Variants in ZNF554 observed in about 807,000 individuals in gnomAD.
The protein encoded by ZNF554 is zinc finger protein 554.
Under a neutral mutation model 21.2 loss-of-function variants are expected in ZNF554, and 15 were observed. The observed-to-expected ratio is 0.71, with a 90% CI of 0.47 to 1.09. The LOEUF (loss-of-function observed/expected upper bound fraction) is 1.09, where lower values mean the gene tolerates loss of function less well. Among genes scored for constraint, ZNF554 ranks in the 50% least tolerant of loss-of-function variants. ZNF554 has a pLI of 0.00. For missense variants in ZNF554, 691 were observed against 662.7 expected, an observed-to-expected ratio of 1.04 and a Z score of -0.47; for synonymous variants, 258 against 251.4, an observed-to-expected ratio of 1.03 and a Z score of -0.25.
intron 2 of ZNF554, among the ~76,000 whole-genome samples, chr19:2,824,015 A>G (rs2087296540): frequency 6.6e-6 from 1 of 152,096 alleles, no homozygotes; most frequent in Non-Finnish European, 1.5e-5. Context: ...TCCTGCTGCC[A>G]TTCACGGCCC....
Position 2,834,832 on chromosome 19 carries a change from A to G in ZNF554, c.1597A>G (p.Arg533Gly). 4 of 1,594,752 alleles carry G rather than the reference A, an allele frequency of 2.5e-6. No homozygotes were observed. Among genetic ancestry groups the G allele is most frequent in the South Asian group, 1.1e-5 (1 of 89,406 alleles). Residue 533 changes from arginine (R) to glycine (G), a missense_variant, in exon 5 of 5, where the codon AGA becomes GGA. By Grantham distance (125) the Arg-to-Gly change is moderately radical. Transcript: ENST00000317243. The part of the protein sequence containing the change: ...IDCGKAFYQN[R>G]HLIGY ...CTGTGGGAAAGCGTTCTACCAGAAC[A>G]GACATCTTATTGGATATTAGCAATT...
At chr19:2,820,871 GC>G (rs1423664195) in intron 1 of ZNF554, among the ~76,000 whole-genome samples, 1 of 150,592 alleles carries the variant, frequency 6.6e-6, no homozygotes, top group Non-Finnish European at 1.5e-5. Flanking sequence ...CACCATGTTG[GC>G]CAGGCTGGTC....
At position 2,821,444 on chromosome 19, in the gene ZNF554, T is replaced by C. The variant is rs766395966; in HGVS notation, c.53+1320T>C. ...CACAAACCAGGGGGCAGGGGGAGGCTTGAAATTTATTCTCTCACAAGTCTG... is the reference window on the plus strand; with the variant it reads ...CACAAACCAGGGGGCAGGGGGAGGCCTGAAATTTATTCTCTCACAAGTCTG... On this transcript the variant is annotated intron_variant, in intron 1 of 4. Coordinates refer to ENST00000317243, the MANE Select transcript of ZNF554 (RefSeq NM_001102651.2). The surrounding 1 kb of genome is among the most constrained non-coding windows in gnomAD (Gnocchi z 8.2). Among the ~76,000 whole-genome samples the C allele has an allele frequency of 1.3e-5, 2 of 151,846 alleles. No individual in the cohort carries two copies. Among genetic ancestry groups the C allele is most frequent in the Non-Finnish European group, 2.9e-5 (2 of 68,020 alleles).
At chr19:2,831,060 C>T (rs11084958) in intron 3 of ZNF554, 105,805 of 152,172 alleles carry the variant, frequency 0.7, 37,893 homozygotes, top group East Asian at 1. Context: ...GCCACTGTGC[C>T]CAGCCCCATA....
intron 1 of ZNF554, among the ~76,000 whole-genome samples, chr19:2,820,733 C>T (rs1024339065): frequency 2.2e-5 from 3 of 136,500 alleles, no homozygotes; most frequent in South Asian, 2.3e-4. Flanking sequence ...GGCATGATCT[C>T]GGCTCACTGC....
intron 3 of ZNF554, 141 bp from the exon 4 acceptor site, chr19:2,832,162 G>A: frequency 1.5e-6 from 1 of 688,162 alleles, no homozygotes; most frequent in Non-Finnish European, 2.3e-6. Context: ...CTGACCTCAG[G>A]TGATCCGCCT....
chr19:2,827,560 C>G lies in ZNF554; in HGVS notation c.127-57C>G, dbSNP rs1480079493. 7.6e-6 allele frequency: 12 copies of G among 1,574,918 alleles called. No individual in the cohort carries two copies. The Admixed American group carries it at 2.2e-4, about 29-fold the overall frequency. On this transcript the variant is annotated intron_variant, in intron 2 of 4. Transcript: ENST00000317243. ...TGGTGCCACCAACCTCACCCCTCCTCCCATGAACGTGGGTGGCGATGGACC... is the reference window on the plus strand; with the variant it reads ...TGGTGCCACCAACCTCACCCCTCCTGCCATGAACGTGGGTGGCGATGGACC...
chr19:2,834,488 G>T lies in ZNF554; in HGVS notation c.1253G>T (p.Cys418Phe). Residue 418 changes from cysteine (C) to phenylalanine (F), a missense_variant, in exon 5 of 5, where the codon TGC (cysteine) becomes TTC (phenylalanine). Cys to Phe is a radical substitution (Grantham distance 205, BLOSUM62 -2). Transcript: ENST00000317243. ...YKCEDCGKSF[C>F]QSSYLILHKR... ...TGTGAAGACTGTGGGAAATCCTTCT[G>T]CCAGAGCTCTTACCTGATCTTGCAC... 6.2e-7 allele frequency: 1 copy of T among 1,614,046 alleles called. No individual in the cohort carries two copies.
chr19:2,827,040 AT>A (rs2087345057), intron 2 of ZNF554, among the ~76,000 whole-genome samples: 1 of 152,192 alleles, frequency 6.6e-6, no homozygotes, highest in Non-Finnish European at 1.5e-5. Flanking sequence ...CTAATCTCTA[AT>A]AACTGTGAGT....
At chr19:2,822,166 T>C (rs2087273040) in intron 1 of ZNF554, among the ~76,000 whole-genome samples, 1 of 152,166 alleles carries the variant, frequency 6.6e-6, no homozygotes. Flanking sequence ...TTATCGTGCC[T>C]CAGCCTCCTG....
At chr19:2,830,407 G>T (rs959269072) in intron 3 of ZNF554, among the ~76,000 whole-genome samples, 3 of 152,180 alleles carry the variant, frequency 2.0e-5, no homozygotes, top group African/African-American at 7.2e-5. Flanking sequence ...CCATTCACCA[G>T]TTGATGGACG....
At chr19:2,833,540 A>G (rs745810325) in intron 4 of ZNF554, 141 bp from the exon 5 acceptor site, 32 of 637,458 alleles carry the variant, frequency 5.0e-5, no homozygotes, top group Non-Finnish European at 7.9e-5. Flanking sequence ...TCTTTTTCCC[A>G]TCCTTCCCGC....
chr19:2,833,988 T>A lies in ZNF554; in HGVS notation c.753T>A (p.Ile251=). ...GNHLCGSELD[I]TSLASDSVLN... is the part of the protein sequence containing the mutation. ...ACTTGTGTGGCAGCGAGTTAGATAT[T>A]ACAAGCTTGGCATCCGATTCAGTCT... is the stretch of plus-strand genomic sequence containing the variant. Residue 251 remains isoleucine, a synonymous_variant, in exon 5 of 5, where the codon ATT becomes ATA. Coordinates refer to ENST00000317243, the MANE Select transcript of ZNF554 (RefSeq NM_001102651.2). 6.2e-7 allele frequency: 1 copy of A among 1,614,148 alleles called. No homozygotes were observed. Among genetic ancestry groups the A allele is most frequent in the Non-Finnish European group, 8.5e-7 (1 of 1,180,040 alleles).
intron 1 of ZNF554, among the ~76,000 whole-genome samples, chr19:2,820,683 C>CTTTTT (rs1568330714): frequency 2.4e-5 from 2 of 81,834 alleles, no homozygotes; most frequent in African/African-American, 1.2e-4. Context: ...CAGCAAGGGT[C>CTTTTT]CTTTTTTTTT....
chr19:2,819,935 CCTGCGGGGGGCGT>C lies in ZNF554; in HGVS notation c.-135_-123del, dbSNP rs1468315728. ...GGCTGCGGCGAGTTCCTGAGGGGCG[CCTGCGGGGGGCGT>C]CCGCTCCGAGCGCCGAGGAGCCGAG... is the stretch of plus-strand genomic sequence containing the variant. On this transcript the variant is annotated 5_prime_UTR_variant, in exon 1 of 5. Coordinates refer to ENST00000317243, the MANE Select transcript of ZNF554 (RefSeq NM_001102651.2). The C allele has an allele frequency of 3.3e-6, 2 of 607,486 alleles. No individual in the cohort carries two copies. Among genetic ancestry groups the C allele is most frequent in the African/African-American group, 3.9e-5 (2 of 51,146 alleles). 37.6% of individuals were successfully genotyped at this position (607,486 alleles called of 1,614,324 possible). A position where few individuals can be genotyped will look rare whatever the true frequency, so the allele number is the denominator to read the frequency against.
At position 2,834,452 on chromosome 19, in the gene ZNF554, A is replaced by G. The variant is rs1430023982; in HGVS notation, c.1217A>G (p.Lys406Arg). The change falls in exon 5 of 5, where the codon AAG becomes AGG. Residue 406 changes from lysine to arginine, a missense_variant. By Grantham distance (26) the Lys-to-Arg change is conservative. Coordinates refer to ENST00000317243, the MANE Select transcript of ZNF554 (RefSeq NM_001102651.2). The stretch of plus-strand genomic sequence containing the variant: ...CATCAGAGGATTCACACCGGGGAAA[A>G]GCCCTATAAATGTGAAGACTGTGGG... Reference protein sequence around the residue: ...TQHQRIHTGEKPYKCEDCGKS... With the variant: ...TQHQRIHTGERPYKCEDCGKS... 5 of 1,614,022 alleles carry G rather than the reference A, an allele frequency of 3.1e-6. No individual in the cohort carries two copies. The highest frequency in any genetic ancestry group is 8.5e-7 in the Non-Finnish European group (1 of 1,180,008).
intron 3 of ZNF554, among the ~76,000 whole-genome samples, chr19:2,829,947 C>T (rs1736191): frequency 1 from 151,403 of 152,006 alleles, 75,402 homozygotes; most frequent in East Asian, 1. Flanking sequence ...TTTTTTGAGA[C>T]GGAGTCTCGC....
chr19:2,829,730 C>G (rs1163788681), intron 3 of ZNF554, among the ~76,000 whole-genome samples: 1 of 152,060 alleles, frequency 6.6e-6, no homozygotes, highest in African/African-American at 2.4e-5. Flanking sequence ...CTTTTTCACC[C>G]CTTTTAAGTG....
Position 2,834,791 on chromosome 19 carries a change from C to T in ZNF554, c.1556C>T (p.Thr519Ile), listed in dbSNP as rs1436848095. Residue 519 changes from threonine to isoleucine, a missense_variant, in exon 5 of 5, where the codon ACC (threonine) becomes ATC (isoleucine). Thr to Ile is a moderately conservative substitution (Grantham distance 89). Coordinates refer to ENST00000317243, the MANE Select transcript of ZNF554 (RefSeq NM_001102651.2). ...THQKTHSSQK[T>I]YKIIDCGKAF... is the part of the protein sequence containing the mutation. ...CAGAAAACTCACAGCAGCCAGAAAA[C>T]CTATAAAATCATTGACTGTGGGAAA... 1 of 1,611,610 alleles carries T rather than the reference C, an allele frequency of 6.2e-7. No homozygotes were observed. Among genetic ancestry groups the T allele is most frequent in the Non-Finnish European group, 8.5e-7 (1 of 1,178,230 alleles).
Sources: allele counts gnomAD v4.1 joint callset (sites outside exome capture counted in the v4.1 genomes callset), GRCh38; gene constraint gnomAD v4.1.1; non-coding constraint Gnocchi (gnomAD v3.1); transcripts MANE v1.5; gene names NCBI Gene and HGNC (gene_info 2026-07-23, HGNC 2026-07-21).